Variants in PTPRQ observed in about 807,000 individuals in gnomAD.
PTPRQ encodes the protein phosphatidylinositol phosphatase PTPRQ.
PTPRQ carries 199 observed loss-of-function variants against 246.0 expected under a neutral mutation model. The observed-to-expected ratio is 0.81, with a 90% CI of 0.72 to 0.91. The LOEUF (loss-of-function observed/expected upper bound fraction) is 0.91, where lower values mean the gene tolerates loss of function less well. Among genes scored for constraint, PTPRQ ranks in the 40% least tolerant of loss-of-function variants. PTPRQ has a pLI of 0.00. For synonymous variants in PTPRQ, 869 were observed against 853.2 expected (o/e 1.02, Z -0.32); for missense variants, 2,624 against 2,528.4 (o/e 1.04, Z -0.81).
Position 80,546,717 on chromosome 12 carries a change from C to T in PTPRQ, c.4015+20C>T. Reference sequence around the variant, plus strand: ...AATCAGGTTAGATACAGTTTTTGAGCCTAAAATGTTTCTTTTTATATTTAA... The same window carrying T: ...AATCAGGTTAGATACAGTTTTTGAGTCTAAAATGTTTCTTTTTATATTTAA... On this transcript the variant is annotated intron_variant, in intron 24 of 44. Transcript: ENST00000644991. 1.3e-6 allele frequency: 2 copies of T among 1,539,122 alleles called. No homozygotes were observed. The highest frequency in any genetic ancestry group is 1.7e-6 in the Non-Finnish European group (2 of 1,143,212).
At chr12:80,553,560 C>G (rs1319826186) in intron 25 of PTPRQ, among the ~76,000 whole-genome samples, 4 of 152,154 alleles carry the variant, frequency 2.6e-5, no homozygotes, top group Admixed American at 2.0e-4. Context: ...GGCTCACTCT[C>G]TCACTGCCTA....
At position 80,539,919 on chromosome 12, in the gene PTPRQ, C is replaced by T. The variant is rs896048298; in HGVS notation, c.3129C>T (p.Ile1043=). The T allele has an allele frequency of 2.6e-6, 4 of 1,548,348 alleles. No homozygotes were observed. The highest frequency in any genetic ancestry group is 2.6e-6 in the Non-Finnish European group (3 of 1,145,316). Residue 1043 remains isoleucine, a synonymous_variant, in exon 20 of 45, where the codon ATC becomes ATT. Transcript: ENST00000644991. ...SVGNGNKSSD[I]IEVYTDQDIP... The stretch of plus-strand genomic sequence containing the variant: ...GAAATGGGAATAAAAGCAGTGACAT[C>T]ATTGAAGTATACACAGATCAAGACA...
chr12:80,666,913 A>C lies in PTPRQ; in HGVS notation c.6193-2094A>C, dbSNP rs114046119. 9.6e-3 allele frequency among the ~76,000 whole-genome samples: 1,455 copies of C among 152,048 alleles called. 21 individuals are homozygous for C. The highest frequency in any genetic ancestry group is 0.033 in the African/African-American group (1,355 of 41,500). On this transcript the variant is annotated intron_variant, in intron 39 of 44. Coordinates refer to ENST00000644991, the MANE Select transcript of PTPRQ (RefSeq NM_001145026.2). ...ACCAATATTTCTTGGCTGAATTGTT[A>C]CAATAACCCTCTAACTATTCTCCCT...
chr12:80,627,350 TAATAATA>T (rs1565827433), intron 33 of PTPRQ, among the ~76,000 whole-genome samples: 3 of 83,338 alleles, frequency 3.6e-5, no homozygotes, highest in Admixed American at 2.4e-4. Flanking sequence ...ATTTTTATAA[TAATAATA>T]ATAATAATAA....
At chr12:80,535,912 C>T (rs1895972901) in intron 19 of PTPRQ, among the ~76,000 whole-genome samples, 1 of 152,140 alleles carries the variant, frequency 6.6e-6, no homozygotes, top group Non-Finnish European at 1.5e-5. Context: ...TCGAGATCAT[C>T]CTGGCTAACA....
chr12:80,506,843 T>C (rs1894976818), intron 16 of PTPRQ, among the ~76,000 whole-genome samples, 173 bp downstream of exon 16: 1 of 151,968 alleles, frequency 6.6e-6, no homozygotes, highest in Non-Finnish European at 1.5e-5. Context: ...CAACATCAGA[T>C]TTACATTCAG....
chr12:80,586,865 A>G (rs1414107397), intron 25 of PTPRQ: 2 of 152,190 alleles, frequency 1.3e-5, no homozygotes, highest in African/African-American at 4.8e-5. Flanking sequence ...GAGCATTTAC[A>G]TTGTGTTAGG....
intron 30 of PTPRQ, among the ~76,000 whole-genome samples, chr12:80,616,800 G>T (rs553820995): frequency 6.6e-6 from 1 of 151,004 alleles, no homozygotes; most frequent in African/African-American, 2.4e-5. Context: ...TAAAATTTGG[G>T]TCATCCTTTC....
intron 28 of PTPRQ, among the ~76,000 whole-genome samples, chr12:80,612,696 G>T (rs758721856): frequency 1.3e-5 from 2 of 150,360 alleles, no homozygotes; most frequent in African/African-American, 4.9e-5. Context: ...TGATCACAGA[G>T]AATTGAAAAA....
chr12:80,496,729 A>G (rs1477236801), intron 14 of PTPRQ, among the ~76,000 whole-genome samples, 198 bp downstream of exon 14: 2 of 152,116 alleles, frequency 1.3e-5, no homozygotes, highest in African/African-American at 4.8e-5. Flanking sequence ...TCTGATTTAT[A>G]TAAGGGAACT....
At chr12:80,481,333 G>A (rs1384091266) in intron 8 of PTPRQ, among the ~76,000 whole-genome samples, 1 of 152,122 alleles carries the variant, frequency 6.6e-6, no homozygotes, top group Non-Finnish European at 1.5e-5. Context: ...AATCCTTCAT[G>A]CTAAAAACTC....
chr12:80,572,123 A>G (rs1019118410), intron 25 of PTPRQ, among the ~76,000 whole-genome samples: 1 of 152,124 alleles, frequency 6.6e-6, no homozygotes, highest in Admixed American at 6.5e-5. Flanking sequence ...ACATCTATAC[A>G]TGGGGAGAAT....
rs567878836 is a variant in PTPRQ at position 80,528,153 on chromosome 12, A to G, written c.2679-5862A>G. ...CCTTATGACAATAAATTTCAAATGG[A>G]TGAAATCTTAAACTTCTAGTAAGAT... is the stretch of plus-strand genomic sequence containing the variant. On this transcript the variant is annotated intron_variant, in intron 17 of 44. Coordinates refer to ENST00000644991, the MANE Select transcript of PTPRQ (RefSeq NM_001145026.2). Among the ~76,000 whole-genome samples, 235 of 152,334 alleles carry G rather than the reference A, an allele frequency of 1.5e-3. 1 individual carries two copies. Among genetic ancestry groups the G allele is most frequent in the African/African-American group, 5.3e-3 (221 of 41,582 alleles).
intron 6 of PTPRQ, among the ~76,000 whole-genome samples, chr12:80,467,746 C>G (rs2120523766): frequency 6.6e-6 from 1 of 150,388 alleles, no homozygotes; most frequent in South Asian, 2.1e-4. Context: ...TCTCAGTAAA[C>G]TATCACAAGA....
In PTPRQ at chr12:80,619,457, A is replaced by G. The variant is rs1176625349; in HGVS notation, c.5304A>G (p.Thr1768=). ...GAAAACTGCTTGTGACTTCAACAAC[A>G]ATTACAATCAGAATGCCAATATGTT... ...ATGKLLVTST[T]ITIRMPICYY... Residue 1768 remains threonine (T), a synonymous_variant, in exon 31 of 45, where the codon ACA becomes ACG. Transcript: ENST00000644991. 20 of 1,548,284 alleles carry G rather than the reference A, an allele frequency of 1.3e-5. No homozygotes were observed. The South Asian group carries it at 2.3e-4, about 18-fold the overall frequency.
chr12:80,519,916 G>T (rs1371635207), intron 17 of PTPRQ, among the ~76,000 whole-genome samples: 2 of 152,030 alleles, frequency 1.3e-5, no homozygotes, highest in Non-Finnish European at 2.9e-5. Flanking sequence ...TCTGTCTGAT[G>T]GTGAGCTACA....
intron 32 of PTPRQ, 57 bp from the exon 33 acceptor site, chr12:80,622,004 T>C (rs1436295290): frequency 8.9e-7 from 1 of 1,123,818 alleles, no homozygotes; most frequent in Non-Finnish European, 1.2e-6. Flanking sequence ...CTTGAGTTAT[T>C]CATAGGAAAA....
intron 15 of PTPRQ, 55 bp downstream of exon 15, chr12:80,506,261 CA>C: frequency 7.2e-7 from 1 of 1,390,256 alleles, no homozygotes; most frequent in Admixed American, 3.1e-5. Flanking sequence ...AGAGTAGCCA[CA>C]AATATTAGTT....
chr12:80,611,320 T>C (rs1171547498), intron 28 of PTPRQ, among the ~76,000 whole-genome samples: 1 of 150,420 alleles, frequency 6.6e-6, no homozygotes, highest in Non-Finnish European at 1.5e-5. Context: ...AAAAAGCAGA[T>C]GAAGGGATAT....
Sources: allele counts gnomAD v4.1 joint callset (sites outside exome capture counted in the v4.1 genomes callset), GRCh38; gene constraint gnomAD v4.1.1; transcripts MANE v1.5; gene names NCBI Gene and HGNC (gene_info 2026-07-23, HGNC 2026-07-21).